CDH8: variants seen among roughly 807,000 people sequenced by gnomAD.
CDH8 encodes cadherin 8.
Under a neutral mutation model 68.1 loss-of-function variants are expected in CDH8, and 17 were observed. The observed-to-expected ratio is 0.25, with a 90% CI of 0.17 to 0.37. CDH8 has a LOEUF of 0.37. Among genes scored for constraint, CDH8 ranks in the 10% least tolerant of loss-of-function variants. The probability of loss-of-function intolerance (pLI) is 1.00; values close to 1 mark genes in which losing one functional copy is unlikely to be tolerated. For missense variants in CDH8, 763 were observed against 999.3 expected (o/e 0.76, Z 3.19); for synonymous variants, 372 against 365.1 (o/e 1.02, Z -0.21).
intron 8 of CDH8, among the ~76,000 whole-genome samples, chr16:61,753,081 C>T (rs755127883): frequency 2.6e-5 from 4 of 152,052 alleles, no homozygotes; most frequent in Admixed American, 1.3e-4. Context: ...GTTTGAGACA[C>T]GTGTGATGAG....
chr16:61,652,459 G>A lies in CDH8; in HGVS notation c.*1149C>T. ...CTTGTAGTAAAAACACCAAATACTA[G>A]GATTATGAACAAAATAGAAAACAGT... On this transcript the variant is annotated 3_prime_UTR_variant, in exon 12 of 12. Transcript: ENST00000577390. 2.0e-6 allele frequency: 2 copies of A among 986,964 alleles called. No homozygotes were observed. The highest frequency in any genetic ancestry group is 2.4e-6 in the Non-Finnish European group (2 of 830,848). 61.1% of individuals were successfully genotyped at this position (986,964 alleles called of 1,614,324 possible).
intron 2 of CDH8, chr16:61,933,999 C>T (rs1420098437): frequency 6.6e-6 from 1 of 152,154 alleles, no homozygotes. Flanking sequence ...AAATCATCTG[C>T]TATATTCAGA....
At chr16:61,769,047 A>G (rs1960709726) in intron 8 of CDH8, among the ~76,000 whole-genome samples, 2 of 151,854 alleles carry the variant, frequency 1.3e-5, no homozygotes, top group Non-Finnish European at 2.9e-5. Flanking sequence ...ACAAGAATAT[A>G]GAAGCACAGA....
chr16:61,780,582 C>T (rs539658236), intron 8 of CDH8, among the ~76,000 whole-genome samples: 1 of 152,180 alleles, frequency 6.6e-6, no homozygotes, highest in East Asian at 1.9e-4. Context: ...ATGACTATTT[C>T]TTTATCATTA....
chr16:61,683,078 A>G (rs1964042701), intron 10 of CDH8, among the ~76,000 whole-genome samples: 1 of 151,992 alleles, frequency 6.6e-6, no homozygotes, highest in African/African-American at 2.4e-5. Context: ...AAATAAGGGT[A>G]TGTGAAGTTC....
At chr16:61,664,676 C>T (rs900961522) in intron 10 of CDH8, among the ~76,000 whole-genome samples, 8 of 151,632 alleles carry the variant, frequency 5.3e-5, no homozygotes, top group African/African-American at 1.7e-4. Context: ...AAACTGAGGG[C>T]GCTTAGGTTC....
At chr16:61,655,766 ACT>A (rs760363205) in intron 10 of CDH8, 45 bp from the exon 11 acceptor site, 1 of 1,561,714 alleles carries the variant, frequency 6.4e-7, no homozygotes, top group Admixed American at 1.7e-5. Context: ...TTTCAAAATG[ACT>A]CTCCAAATAA....
chr16:61,982,802 C>T (rs1411414003), intron 2 of CDH8, among the ~76,000 whole-genome samples: 1 of 152,096 alleles, frequency 6.6e-6, no homozygotes, highest in Admixed American at 6.5e-5. Context: ...ATTTCAGACA[C>T]AGGAACAGAG....
chr16:61,989,179 A>T (rs980832004), intron 2 of CDH8, among the ~76,000 whole-genome samples: 2 of 151,088 alleles, frequency 1.3e-5, no homozygotes, highest in East Asian at 3.9e-4. Flanking sequence ...GATAAAATAG[A>T]TAGATGAAAA....
intron 8 of CDH8, among the ~76,000 whole-genome samples, chr16:61,782,368 G>A (rs1016506540): frequency 6.6e-6 from 1 of 152,124 alleles, no homozygotes; most frequent in Non-Finnish European, 1.5e-5. Context: ...CCCGAATATT[G>A]CGCTTTTCAG....
chr16:61,922,584 A>C (rs1041472191), intron 2 of CDH8, among the ~76,000 whole-genome samples: 6 of 152,184 alleles, frequency 3.9e-5, no homozygotes, highest in African/African-American at 1.4e-4. Flanking sequence ...AATAATGTAC[A>C]TGTGAAAAAC....
In CDH8 at chr16:61,669,271, C is replaced by A. The variant is rs111658753; in HGVS notation, c.1655-13550G>T. On this transcript the variant is annotated intron_variant, in intron 10 of 11. Transcript: ENST00000577390. The stretch of plus-strand genomic sequence containing the variant: ...AAATTCTTTCAAGTCTACTTTGACA[C>A]ATTTAATTAATTCCACCTTCAGTTA... Among the ~76,000 whole-genome samples, 54 of 152,142 alleles carry A rather than the reference C, an allele frequency of 3.5e-4. No homozygotes were observed. The East Asian group carries it at 9.5e-3, about 27-fold the overall frequency.
intron 2 of CDH8, among the ~76,000 whole-genome samples, chr16:61,950,257 C>A (rs975048114): frequency 2.0e-5 from 3 of 152,110 alleles, no homozygotes; most frequent in African/African-American, 7.2e-5. Flanking sequence ...TCCTCTCTGA[C>A]TTCTCTGTTG....
chr16:61,859,878 T>A (rs1963119018), intron 3 of CDH8, among the ~76,000 whole-genome samples: 1 of 152,128 alleles, frequency 6.6e-6, no homozygotes, highest in African/African-American at 2.4e-5. Context: ...GAGGGAGCCT[T>A]GCTCTGTCGC....
At position 61,791,912 on chromosome 16, in the gene CDH8, G is replaced by A. The variant is rs532051713; in HGVS notation, c.1278-2430C>T. Among the ~76,000 whole-genome samples, 48 of 151,998 alleles carry A rather than the reference G, an allele frequency of 3.2e-4. 1 individual carries two copies. The South Asian group carries it at 1.0e-2, about 32-fold the overall frequency. ...TCACTGAGCTTCAATTTATTTGCTG[G>A]TGAAATAGGAATTATTTATATCCCA... On this transcript the variant is annotated intron_variant, in intron 7 of 11. Transcript: ENST00000577390.
At chr16:61,972,517 CT>C (rs1965355530) in intron 2 of CDH8, among the ~76,000 whole-genome samples, 1 of 151,390 alleles carries the variant, frequency 6.6e-6, no homozygotes, top group African/African-American at 2.4e-5. Context: ...GCATGTACCT[CT>C]CTTCTTCTCT....
At position 61,984,015 on chromosome 16, in the gene CDH8, TC is replaced by T. The variant is rs1382180365; in HGVS notation, c.252+37136del. On this transcript the variant is annotated intron_variant, in intron 2 of 11. Coordinates refer to ENST00000577390, the MANE Select transcript of CDH8 (RefSeq NM_001796.5). The stretch of plus-strand genomic sequence containing the variant: ...TCACTGCAACCTCTGCCTTCTGGGT[TC>T]AAGCTATTCCTCTGCCTTAGCCTCC... Among the ~76,000 whole-genome samples, 5 of 152,200 alleles carry T rather than the reference TC, an allele frequency of 3.3e-5. No individual in the cohort carries two copies. In the East Asian group the frequency reaches 7.7e-4, roughly 24 times the overall value.
In CDH8 at chr16:61,665,715, T is replaced by G. The variant is rs533999950; in HGVS notation, c.1655-9994A>C. Among the ~76,000 whole-genome samples the G allele has an allele frequency of 2.0e-5, 3 of 151,822 alleles. No individual in the cohort carries two copies. The East Asian group carries it at 5.9e-4, about 30-fold the overall frequency. On this transcript the variant is annotated intron_variant, in intron 10 of 11. Coordinates refer to ENST00000577390, the MANE Select transcript of CDH8 (RefSeq NM_001796.5). ...TGTGCCTATCTGGATAACTCTTCAC[T>G]TTTATCTGTGTAATTTATCCCACAG...
At chr16:61,931,777 A>G (rs1964543224) in intron 2 of CDH8, among the ~76,000 whole-genome samples, 2 of 152,238 alleles carry the variant, frequency 1.3e-5, no homozygotes. Context: ...ACGTACCCTT[A>G]AAACATCTAT....
Sources: allele counts gnomAD v4.1 joint callset (sites outside exome capture counted in the v4.1 genomes callset), GRCh38; gene constraint gnomAD v4.1.1; transcripts MANE v1.5; gene names NCBI Gene and HGNC (gene_info 2026-07-23, HGNC 2026-07-21).